KCNB2: variants seen among roughly 807,000 people sequenced by gnomAD.
KCNB2 encodes the protein delayed rectifier potassium channel protein.
KCNB2 carries 15 observed loss-of-function variants against 61.5 expected under a neutral mutation model. The observed-to-expected ratio is 0.24, with a 90% CI of 0.16 to 0.38. The LOEUF (loss-of-function observed/expected upper bound fraction) is 0.38. KCNB2 is among the 10% of genes least tolerant of loss of function. KCNB2 has a pLI of 1.00. For missense variants in KCNB2, 828 were observed against 1,125.2 expected, an observed-to-expected ratio of 0.74 and a Z score of 3.78; for synonymous variants, 457 against 446.0, an observed-to-expected ratio of 1.02 and a Z score of -0.31.
At position 72,616,532 on chromosome 8, in the gene KCNB2, G is replaced by A. The variant is rs192311993; in HGVS notation, c.579+48219G>A. On this transcript the variant is annotated intron_variant, in intron 2 of 2. Transcript: ENST00000523207. ...GGTCTCAGTTCATATATTAAATGTG[G>A]TTCTAAGGGTTCATCAAACTACCCC... 1.4e-3 allele frequency among the ~76,000 whole-genome samples: 211 copies of A among 152,110 alleles called. 1 individual carries two copies. Among genetic ancestry groups the A allele is most frequent in the African/African-American group, 4.9e-3 (203 of 41,494 alleles).
chr8:72,566,938 G>A (rs1201259849), intron 1 of KCNB2, among the ~76,000 whole-genome samples: 3 of 152,152 alleles, frequency 2.0e-5, no homozygotes, highest in East Asian at 1.9e-4. Context: ...GGGGAAGGCC[G>A]TAAATCTGAG....
At chr8:72,766,832 C>T (rs571731110) in intron 2 of KCNB2, among the ~76,000 whole-genome samples, 1 of 152,134 alleles carries the variant, frequency 6.6e-6, no homozygotes, top group East Asian at 1.9e-4. Context: ...ATGTATTAGT[C>T]CATTTTCATG....
At chr8:72,727,186 A>G (rs1276825446) in intron 2 of KCNB2, among the ~76,000 whole-genome samples, 7 of 152,222 alleles carry the variant, frequency 4.6e-5, no homozygotes, top group Admixed American at 6.5e-5. Context: ...AAATGTTTCA[A>G]GCAGAAAATG....
At chr8:72,901,260 C>A (rs533753645) in intron 2 of KCNB2, among the ~76,000 whole-genome samples, 2 of 152,184 alleles carry the variant, frequency 1.3e-5, no homozygotes, top group East Asian at 3.9e-4. Flanking sequence ...GGGGAGGTGG[C>A]AGACTATCTG....
At chr8:72,883,064 T>A (rs541863232) in intron 2 of KCNB2, among the ~76,000 whole-genome samples, 3 of 152,156 alleles carry the variant, frequency 2.0e-5, no homozygotes, top group Non-Finnish European at 4.4e-5. Context: ...CCAGAAGTCA[T>A]TTACGTTCTC....
chr8:72,568,206 A>G lies in KCNB2; in HGVS notation c.472A>G (p.Thr158Ala). 2 of 1,614,180 alleles carry G rather than the reference A, an allele frequency of 1.2e-6. No individual in the cohort carries two copies. Among genetic ancestry groups the G allele is most frequent in the Non-Finnish European group, 1.7e-6 (2 of 1,180,028 alleles). ...CGAAGAACTGAGGCGAGAGGCAGAG[A>G]CTATGCGAGAGCGAGAAGGAGAAGA... The part of the protein sequence containing the change: ...MNEELRREAE[T>A]MREREGEEFD... Residue 158 changes from threonine to alanine, a missense_variant, in exon 2 of 3, where the codon ACT becomes GCT. Transcript: ENST00000523207.
Position 72,567,738 on chromosome 8 carries a change from G to A in KCNB2, c.4G>A (p.Ala2Thr). ...CTGCGGCTTTGTCCAGTTCAAAATG[G>A]CAGAAAAGGCTCCCCCGGGCTTAAA... is the stretch of plus-strand genomic sequence containing the variant. M[A>T]EKAPPGLNRK... Residue 2 changes from alanine to threonine, a missense_variant, in exon 2 of 3, where the codon GCA (alanine) becomes ACA (threonine). Coordinates refer to ENST00000523207, the MANE Select transcript of KCNB2 (RefSeq NM_004770.3). 6.4e-7 allele frequency: 1 copy of A among 1,552,454 alleles called. No homozygotes were observed. The highest frequency in any genetic ancestry group is 8.7e-7 in the Non-Finnish European group (1 of 1,152,946).
chr8:72,751,003 T>C (rs1433525467), intron 2 of KCNB2: 1 of 152,118 alleles, frequency 6.6e-6, no homozygotes, highest in Non-Finnish European at 1.5e-5. Context: ...TCAATCTGTC[T>C]CCAGTTACTC....
At chr8:72,594,681 ACT>A (rs1208264031) in intron 2 of KCNB2, among the ~76,000 whole-genome samples, 2 of 152,152 alleles carry the variant, frequency 1.3e-5, no homozygotes, top group Non-Finnish European at 2.9e-5. Flanking sequence ...AGAATCATTG[ACT>A]CAGCAGATCC....
At chr8:72,823,857 C>T (rs1406103571) in intron 2 of KCNB2, among the ~76,000 whole-genome samples, 1 of 152,096 alleles carries the variant, frequency 6.6e-6, no homozygotes, top group Non-Finnish European at 1.5e-5. Flanking sequence ...TGTCCTGTCA[C>T]CCCGAGGGCC....
intron 2 of KCNB2, among the ~76,000 whole-genome samples, chr8:72,748,573 T>C (rs973276038): frequency 2.7e-4 from 41 of 151,244 alleles, no homozygotes; most frequent in African/African-American, 9.7e-4. Context: ...TCCTACTGAA[T>C]TTACAGAGTA....
intron 2 of KCNB2, among the ~76,000 whole-genome samples, chr8:72,627,558 T>A (rs778618039): frequency 8.5e-5 from 13 of 152,240 alleles, no homozygotes; most frequent in Admixed American, 3.3e-4. Context: ...TTGTTTTTTT[T>A]ATGCATGATT....
At chr8:72,581,383 A>G (rs940210906) in intron 2 of KCNB2, among the ~76,000 whole-genome samples, 3 of 152,168 alleles carry the variant, frequency 2.0e-5, no homozygotes, top group African/African-American at 7.2e-5. Context: ...GCTGTGTTCA[A>G]CTGCTCAGCT....
intron 2 of KCNB2, among the ~76,000 whole-genome samples, chr8:72,795,434 TG>T (rs1397724481): frequency 6.6e-6 from 1 of 152,218 alleles, no homozygotes; most frequent in African/African-American, 2.4e-5. Flanking sequence ...ACTTTAAAAG[TG>T]CTACTGAAAG....
At chr8:72,900,000 T>C (rs1201789235) in intron 2 of KCNB2, among the ~76,000 whole-genome samples, 1 of 151,876 alleles carries the variant, frequency 6.6e-6, no homozygotes, top group African/African-American at 2.4e-5. Flanking sequence ...TGAGACCCCA[T>C]CTCAAAACAA....
chr8:72,850,559 C>G (rs886585443), intron 2 of KCNB2, among the ~76,000 whole-genome samples: 1 of 152,114 alleles, frequency 6.6e-6, no homozygotes. Flanking sequence ...GCCTCTTTAC[C>G]CATGATAGCC....
chr8:72,630,920 C>T (rs567207363), intron 2 of KCNB2, among the ~76,000 whole-genome samples: 6 of 152,116 alleles, frequency 3.9e-5, no homozygotes, highest in African/African-American at 9.7e-5. Context: ...GTGCAATAGG[C>T]GCCCCTTATC....
intron 2 of KCNB2, among the ~76,000 whole-genome samples, chr8:72,698,529 A>G (rs1413991942): frequency 6.6e-6 from 1 of 152,154 alleles, no homozygotes; most frequent in Non-Finnish European, 1.5e-5. Flanking sequence ...TTTCATATGG[A>G]ACTGAAAAAA....
At chr8:72,723,189 A>G (rs1198289735) in intron 2 of KCNB2, among the ~76,000 whole-genome samples, 2 of 152,194 alleles carry the variant, frequency 1.3e-5, no homozygotes, top group East Asian at 3.9e-4. Context: ...TTGGACAGGG[A>G]GATGCACAGA....
Sources: gnomAD v4.1 joint callset for allele counts (sites outside exome capture counted in the v4.1 genomes callset) on GRCh38, gnomAD v4.1.1 for gene constraint, MANE v1.5 for transcripts, NCBI Gene and HGNC (gene_info 2026-07-23, HGNC 2026-07-21) for gene names.